Variants in SNAP25 observed in about 807,000 individuals in gnomAD.
SNAP25 encodes synaptosome associated protein 25.
SNAP25 carries 3 observed loss-of-function variants against 28.7 expected under a neutral mutation model. The ratio of observed to expected loss-of-function variants is 0.10; its 90% CI spans 0.05 to 0.27. The LOEUF is 0.27. SNAP25 is among the 10% of genes least tolerant of loss of function. SNAP25 has a pLI of 1.00. For missense variants in SNAP25, 117 were observed against 278.7 expected, an observed-to-expected ratio of 0.42 and a Z score of 4.13; for synonymous variants, 61 against 88.1, an observed-to-expected ratio of 0.69 and a Z score of 1.72.
chr20:10,306,211 T>A lies in SNAP25; in HGVS notation c.*14T>A, dbSNP rs2064356883. On this transcript the variant is annotated 3_prime_UTR_variant, in exon 8 of 8. Transcript: ENST00000254976. ...GGAAGTGGTTAAGTGTGCCCACCCG[T>A]GTTCTCCTCCAAATGCTGTCGGGCA... 2 of 1,612,884 alleles carry A rather than the reference T, an allele frequency of 1.2e-6. No individual in the cohort carries two copies.
Position 10,244,826 on chromosome 20 carries a change from G to A in SNAP25, c.-64+25849G>A, listed in dbSNP as rs547582513. On this transcript the variant is annotated intron_variant, in intron 1 of 7. Coordinates refer to ENST00000254976, the MANE Select transcript of SNAP25 (RefSeq NM_130811.4). ...GTTCCCTGCAACCTCCACCTCCCAGGTTCAAGCGATTCTCCTGCCTCAGCC... is the reference window on the plus strand; with the variant it reads ...GTTCCCTGCAACCTCCACCTCCCAGATTCAAGCGATTCTCCTGCCTCAGCC... Among the ~76,000 whole-genome samples, 196 of 151,596 alleles carry A rather than the reference G, an allele frequency of 1.3e-3. 1 individual carries two copies. Among genetic ancestry groups the A allele is most frequent in the African/African-American group, 4.6e-3 (191 of 41,216 alleles).
chr20:10,271,425 C>T (rs2063589641), intron 1 of SNAP25, among the ~76,000 whole-genome samples: 1 of 152,226 alleles, frequency 6.6e-6, no homozygotes, highest in South Asian at 2.1e-4. Context: ...CTTTGAAATG[C>T]TGTGTGTTTG....
At chr20:10,256,244 T>C (rs898710511) in intron 1 of SNAP25, among the ~76,000 whole-genome samples, 2 of 152,236 alleles carry the variant, frequency 1.3e-5, no homozygotes, top group Admixed American at 1.3e-4. Context: ...TGTGCATCTT[T>C]CAAGTCTATC....
chr20:10,275,083 A>AAATAAATG (rs2063666686), intron 1 of SNAP25, among the ~76,000 whole-genome samples: 1 of 150,318 alleles, frequency 6.7e-6, no homozygotes, highest in Non-Finnish European at 1.5e-5. Context: ...ATAAATAAAT[A>AAATAAATG]AATAAATAAA....
chr20:10,263,915 C>A (rs746883846), intron 1 of SNAP25, among the ~76,000 whole-genome samples: 44 of 152,124 alleles, frequency 2.9e-4, no homozygotes, highest in Non-Finnish European at 1.0e-4. Flanking sequence ...AAGATTGGGG[C>A]CCCTCTTCTC....
intron 7 of SNAP25, among the ~76,000 whole-genome samples, chr20:10,304,067 G>A (rs1252983173): frequency 2.6e-5 from 4 of 152,134 alleles, no homozygotes; most frequent in Non-Finnish European, 5.9e-5. Flanking sequence ...ATTATTCCAA[G>A]CACATTATGT....
intron 2 of SNAP25, among the ~76,000 whole-genome samples, chr20:10,276,678 A>G (rs2063697046): frequency 6.6e-6 from 1 of 152,250 alleles, no homozygotes; most frequent in Non-Finnish European, 1.5e-5. Context: ...TGTAGACACA[A>G]AAGTTCAGCA....
At chr20:10,241,121 A>G (rs1376221466) in intron 1 of SNAP25, among the ~76,000 whole-genome samples, 1 of 145,912 alleles carries the variant, frequency 6.9e-6, no homozygotes, top group Non-Finnish European at 1.5e-5. Flanking sequence ...GGCTTTCCTG[A>G]TGAAGCTGTT....
chr20:10,263,948 G>T (rs1487568570), intron 1 of SNAP25, among the ~76,000 whole-genome samples: 1 of 152,140 alleles, frequency 6.6e-6, no homozygotes, highest in African/African-American at 2.4e-5. Flanking sequence ...AGGCTGCTGT[G>T]CTTTGGCTCC....
At chr20:10,250,330 A>G (rs779043552) in intron 1 of SNAP25, among the ~76,000 whole-genome samples, 1 of 152,176 alleles carries the variant, frequency 6.6e-6, no homozygotes, top group Non-Finnish European at 1.5e-5. Flanking sequence ...GAGGTATGGT[A>G]TGGCTTCATG....
intron 1 of SNAP25, among the ~76,000 whole-genome samples, chr20:10,261,528 C>T (rs556861787): frequency 6.6e-6 from 1 of 152,136 alleles, no homozygotes; most frequent in African/African-American, 2.4e-5. Flanking sequence ...GCACATATAC[C>T]TTCAGTGGCT....
intron 4 of SNAP25, among the ~76,000 whole-genome samples, chr20:10,286,203 A>G (rs1419192970): frequency 2.0e-5 from 3 of 152,184 alleles, no homozygotes; most frequent in African/African-American, 7.2e-5. Context: ...TTCTGCCACC[A>G]ATATAATACA....
At chr20:10,280,035 T>C (rs571962048) in intron 3 of SNAP25, among the ~76,000 whole-genome samples, 33 of 152,328 alleles carry the variant, frequency 2.2e-4, no homozygotes, top group African/African-American at 4.1e-4. Flanking sequence ...AACCTGAGGA[T>C]TGAAGTACCA....
chr20:10,251,658 G>A (rs1334769876), intron 1 of SNAP25, among the ~76,000 whole-genome samples: 1 of 152,222 alleles, frequency 6.6e-6, no homozygotes, highest in African/African-American at 2.4e-5. Context: ...ATGGAGCCAT[G>A]TTTGCCCTTG....
intron 4 of SNAP25, among the ~76,000 whole-genome samples, chr20:10,288,844 C>T (rs753756932): frequency 4.7e-5 from 7 of 150,326 alleles, no homozygotes; most frequent in Non-Finnish European, 1.0e-4. Context: ...TTTAATTAGG[C>T]AGTAGAGACA....
chr20:10,281,675 C>T (rs994877255), intron 3 of SNAP25, among the ~76,000 whole-genome samples: 14 of 152,186 alleles, frequency 9.2e-5, no homozygotes, highest in African/African-American at 3.1e-4. Flanking sequence ...ACGCATCACA[C>T]TTCTCTTCCA....
intron 3 of SNAP25, among the ~76,000 whole-genome samples, chr20:10,283,828 C>T (rs1248099450): frequency 6.6e-6 from 1 of 152,092 alleles, no homozygotes; most frequent in African/African-American, 2.4e-5. Flanking sequence ...AACAGTCGCC[C>T]TGTAAAATGG....
At chr20:10,260,636 C>T (rs2063394421) in intron 1 of SNAP25, among the ~76,000 whole-genome samples, 2 of 151,830 alleles carry the variant, frequency 1.3e-5, no homozygotes, top group Admixed American at 6.6e-5. Context: ...CTAACCATGA[C>T]AGAATCAAGG....
intron 7 of SNAP25, 62 bp downstream of exon 7, chr20:10,299,474 G>A: frequency 6.5e-7 from 1 of 1,538,892 alleles, no homozygotes; most frequent in South Asian, 1.2e-5. Flanking sequence ...CCAACAGGAA[G>A]TGTGAAGGGC....
Sources: allele counts gnomAD v4.1 joint callset (sites outside exome capture counted in the v4.1 genomes callset), GRCh38; gene constraint gnomAD v4.1.1; transcripts MANE v1.5; gene names NCBI Gene and HGNC (gene_info 2026-07-23, HGNC 2026-07-21).